Variants in CAP2 observed in about 807,000 individuals in gnomAD.
The protein encoded by CAP2 is cyclase associated actin cytoskeleton regulatory protein 2.
In CAP2, 24 loss-of-function variants were observed where a neutral mutation model predicts 57.7. That is an observed-to-expected ratio of 0.42 (90% CI 0.30 to 0.58). The LOEUF (loss-of-function observed/expected upper bound fraction) is 0.58, where lower values mean the gene tolerates loss of function less well. Ranked by LOEUF, CAP2 falls within the 20% of genes least tolerant of loss-of-function variation. The probability of loss-of-function intolerance (pLI) is 0.22; values close to 1 mark genes in which losing one functional copy is unlikely to be tolerated. For synonymous variants in CAP2, 194 were observed against 207.2 expected, an observed-to-expected ratio of 0.94 and a Z score of 0.55; for missense variants, 501 against 590.3, an observed-to-expected ratio of 0.85 and a Z score of 1.57.
chr6:17,428,788 TAAAA>T (rs921183430), intron 3 of CAP2, among the ~76,000 whole-genome samples: 1 of 151,546 alleles, frequency 6.6e-6, no homozygotes, highest in African/African-American at 2.4e-5. Flanking sequence ...AAAAAAAAGT[TAAAA>T]AAAGTATAAA....
rs539882343 is a variant in CAP2 at position 17,467,040 on chromosome 6, G to A, written c.300+3967G>A. ...AATAGGAGTTTTGGGCATTGGGGAG[G>A]GAAGATCTTTCAGGGCTGGAGAACC... On this transcript the variant is annotated intron_variant, in intron 4 of 12. Coordinates refer to ENST00000229922, the MANE Select transcript of CAP2 (RefSeq NM_006366.3). 3.9e-5 allele frequency among the ~76,000 whole-genome samples: 6 copies of A among 152,214 alleles called. No individual in the cohort carries two copies. In the East Asian group the frequency reaches 1.2e-3, roughly 29 times the overall value.
intron 2 of CAP2, among the ~76,000 whole-genome samples, chr6:17,424,011 A>G (rs1028560606): frequency 1.3e-5 from 2 of 152,210 alleles, no homozygotes; most frequent in Non-Finnish European, 2.9e-5. Flanking sequence ...ATTTTTAACA[A>G]ATCCGCCGAA....
chr6:17,537,027 A>C (rs147273565), intron 7 of CAP2, among the ~76,000 whole-genome samples: 81 of 152,316 alleles, frequency 5.3e-4, no homozygotes, highest in Non-Finnish European at 9.1e-4. Context: ...TCTTAGAAAC[A>C]AAGACTATTG....
At chr6:17,422,756 A>G (rs1047094209) in intron 2 of CAP2, among the ~76,000 whole-genome samples, 2 of 152,206 alleles carry the variant, frequency 1.3e-5, no homozygotes, top group Non-Finnish European at 2.9e-5. Context: ...GGTACCACAT[A>G]TGGCAAGCTC....
intron 3 of CAP2, among the ~76,000 whole-genome samples, chr6:17,433,319 C>T (rs1249183189): frequency 6.6e-6 from 1 of 152,238 alleles, no homozygotes; most frequent in Non-Finnish European, 1.5e-5. Flanking sequence ...TATAGACAAA[C>T]ATCTGACTCC....
chr6:17,441,346 C>T (rs1350718121), intron 3 of CAP2, among the ~76,000 whole-genome samples: 1 of 151,448 alleles, frequency 6.6e-6, no homozygotes, highest in Middle Eastern at 3.2e-3. Context: ...TTTGAAAAAT[C>T]CTTATGTACT....
rs997032079 is a variant in CAP2, at chr6:17,459,994, T to C, written c.223-3002T>C. ...AGAAATGAAGAAAGGACTAAACCTA[T>C]TCCAGGAAATATACTATGGAATGTT... On this transcript the variant is annotated intron_variant, in intron 3 of 12. Coordinates refer to ENST00000229922, the MANE Select transcript of CAP2 (RefSeq NM_006366.3). Among the ~76,000 whole-genome samples, 10 of 152,310 alleles carry C rather than the reference T, an allele frequency of 6.6e-5. No homozygotes were observed. The South Asian group carries it at 1.7e-3, about 25-fold the overall frequency.
intron 1 of CAP2, among the ~76,000 whole-genome samples, chr6:17,404,930 G>A (rs1306304239): frequency 6.6e-6 from 1 of 152,132 alleles, no homozygotes. Context: ...AGAAGGTATT[G>A]TATGAGTGTA....
At position 17,540,954 on chromosome 6, in the gene CAP2, A is replaced by G. The variant is rs1158044141; in HGVS notation, c.827-19A>G. The G allele has an allele frequency of 6.2e-7, 1 of 1,607,210 alleles. No individual in the cohort carries two copies. The highest frequency in any genetic ancestry group is 8.5e-7 in the Non-Finnish European group (1 of 1,176,418). ...CCCTTTGCATAAAATAAATGTGTCC[A>G]TGTGTGTTGTCCTCCTAGGGCTCCG... On this transcript the variant is annotated intron_variant, in intron 8 of 12. Coordinates refer to ENST00000229922, the MANE Select transcript of CAP2 (RefSeq NM_006366.3).
chr6:17,509,858 C>T (rs760511584), intron 6 of CAP2, among the ~76,000 whole-genome samples: 14 of 151,930 alleles, frequency 9.2e-5, no homozygotes, highest in African/African-American at 1.5e-4. Context: ...CATGGTATAT[C>T]CACACAATAG....
At chr6:17,474,183 G>GTGTTTT (rs1561796154) in intron 4 of CAP2, among the ~76,000 whole-genome samples, 1 of 104,732 alleles carries the variant, frequency 9.5e-6, no homozygotes, top group African/African-American at 3.8e-5. Flanking sequence ...GAAAAAAACA[G>GTGTTTT]TCTTTTTTTT....
At chr6:17,415,757 C>T (rs552659918) in intron 1 of CAP2, among the ~76,000 whole-genome samples, 5 of 152,198 alleles carry the variant, frequency 3.3e-5, no homozygotes, top group South Asian at 2.1e-4. Flanking sequence ...TTAATTGGGC[C>T]GTATGTCTCA....
chr6:17,504,252 C>T (rs1761916300), intron 4 of CAP2, among the ~76,000 whole-genome samples: 1 of 152,198 alleles, frequency 6.6e-6, no homozygotes, highest in Non-Finnish European at 1.5e-5. Flanking sequence ...CATGTTCTCT[C>T]ATTTACTCCT....
At chr6:17,536,099 A>G (rs761274751) in intron 7 of CAP2, 5 of 420,542 alleles carry the variant, frequency 1.2e-5, no homozygotes, top group East Asian at 7.0e-5. Context: ...GACTACATAC[A>G]GGTGTGAGCC....
chr6:17,395,701 T>C lies in CAP2; in HGVS notation c.-2+1955T>C, dbSNP rs78536068. On this transcript the variant is annotated intron_variant, in intron 1 of 12. Transcript: ENST00000229922. ...TTTTGAATATTTCCTAACATCTTTA[T>C]TCATGAGGTTTTGTTTTGTTTTTAA... Among the ~76,000 whole-genome samples the C allele has an allele frequency of 7.4e-3, 1,128 of 152,340 alleles. 7 individuals are homozygous for C. The highest frequency in any genetic ancestry group is 0.025 in the African/African-American group (1,051 of 41,578).
chr6:17,551,868 A>G (rs1464697417), intron 12 of CAP2, among the ~76,000 whole-genome samples: 1 of 152,204 alleles, frequency 6.6e-6, no homozygotes, highest in Non-Finnish European at 1.5e-5. Context: ...CACAGCATGC[A>G]TCTGAGTTCG....
chr6:17,520,139 G>T (rs999694722), intron 7 of CAP2, among the ~76,000 whole-genome samples: 2 of 151,782 alleles, frequency 1.3e-5, no homozygotes, highest in African/African-American at 2.4e-5. Flanking sequence ...ACAGAGTTTC[G>T]CTCTGATGCC....
rs1759450397 is a variant in CAP2 at position 17,421,644 on chromosome 6, G to A, written c.89G>A (p.Gly30Glu). 6.2e-7 allele frequency: 1 copy of A among 1,614,020 alleles called. No homozygotes were observed. Among genetic ancestry groups the A allele is most frequent in the Non-Finnish European group, 8.5e-7 (1 of 1,180,004 alleles). ...SLSAESHRPPGNCGEVNGVIA... is the reference protein window; with the variant it reads ...SLSAESHRPPENCGEVNGVIA... Reference sequence around the variant, plus strand: ...TCTGCAGAGTCCCACAGGCCCCCTGGGAACTGCGGGGAAGTCAATGGTGTC... The same window carrying A: ...TCTGCAGAGTCCCACAGGCCCCCTGAGAACTGCGGGGAAGTCAATGGTGTC... Residue 30 changes from glycine (G) to glutamate (E), a missense_variant, in exon 2 of 13, where the codon GGG (glycine) becomes GAG (glutamate). By Grantham distance (98) the Gly-to-Glu change is moderately conservative (BLOSUM62 -2). Coordinates refer to ENST00000229922, the MANE Select transcript of CAP2 (RefSeq NM_006366.3).
At chr6:17,511,881 G>A (rs146133877) in intron 6 of CAP2, among the ~76,000 whole-genome samples, 1 of 152,198 alleles carries the variant, frequency 6.6e-6, no homozygotes, top group Non-Finnish European at 1.5e-5. Flanking sequence ...TATGAAAACT[G>A]AAGATAGGTT....
Sources: gnomAD v4.1 joint callset for allele counts (sites outside exome capture counted in the v4.1 genomes callset) on GRCh38, gnomAD v4.1.1 for gene constraint, MANE v1.5 for transcripts, NCBI Gene and HGNC (gene_info 2026-07-23, HGNC 2026-07-21) for gene names.